The following PRDM2 variants were observed in gnomAD, a reference collection of about 807,000 sequenced individuals.
PRDM2 encodes the protein PR domain zinc finger protein 2.
PRDM2 carries 30 observed loss-of-function variants against 130.0 expected under a neutral mutation model. The observed-to-expected ratio is 0.23, with a 90% confidence interval of 0.17 to 0.31. PRDM2 has a LOEUF of 0.31. Among genes scored for constraint, PRDM2 ranks in the 10% least tolerant of loss-of-function variants. The pLI is 1.00. For missense variants in PRDM2, 2,011 were observed against 2,108.4 expected, an observed-to-expected ratio of 0.95 and a Z score of 0.90; for synonymous variants, 871 against 782.4, an observed-to-expected ratio of 1.11 and a Z score of -1.89.
chr1:13,761,869 TTC>T (rs1175281058), intron 6 of PRDM2, among the ~76,000 whole-genome samples: 2 of 152,194 alleles, frequency 1.3e-5, no homozygotes, highest in African/African-American at 4.8e-5. Context: ...AGTGACAGAA[TTC>T]TCTCTAACTT....
intron 6 of PRDM2, among the ~76,000 whole-genome samples, chr1:13,757,865 T>G (rs1344068686): frequency 6.6e-6 from 1 of 151,554 alleles, no homozygotes; most frequent in Non-Finnish European, 1.5e-5. Context: ...AGGTTTTGTT[T>G]GCTGATAAAG....
chr1:13,712,525 C>T (rs1397959308), intron 1 of PRDM2, among the ~76,000 whole-genome samples: 1 of 152,164 alleles, frequency 6.6e-6, no homozygotes, highest in Non-Finnish European at 1.5e-5. Flanking sequence ...TGCCTAAGAT[C>T]TAAAACTGCA....
At chr1:13,785,880 C>A (rs1310826859) in intron 8 of PRDM2, among the ~76,000 whole-genome samples, 9 of 149,492 alleles carry the variant, frequency 6.0e-5, no homozygotes, top group African/African-American at 2.2e-4. Flanking sequence ...GCTCCGTTGC[C>A]CAGGCTGGAG....
chr1:13,747,348 A>G (rs1448531854), intron 5 of PRDM2, among the ~76,000 whole-genome samples: 1 of 152,244 alleles, frequency 6.6e-6, no homozygotes, highest in East Asian at 1.9e-4. Flanking sequence ...GAAAGTATAC[A>G]TTTGGAATTT....
At chr1:13,816,227 G>T (rs1174299801) in intron 8 of PRDM2, among the ~76,000 whole-genome samples, 200 bp from the exon 9 acceptor site, 1 of 152,174 alleles carries the variant, frequency 6.6e-6, no homozygotes, top group Middle Eastern at 3.2e-3. Context: ...TGGTGGATGG[G>T]ACATGGAGAA....
intron 8 of PRDM2, among the ~76,000 whole-genome samples, chr1:13,804,862 T>C (rs1357627788): frequency 6.6e-6 from 1 of 151,926 alleles, no homozygotes; most frequent in Non-Finnish European, 1.5e-5. Flanking sequence ...GAGTCTTGAG[T>C]GGTCAATGCA....
At chr1:13,786,876 A>C (rs1644752329) in intron 8 of PRDM2, 1 of 1,053,100 alleles carries the variant, frequency 9.5e-7, no homozygotes, top group Non-Finnish European at 1.1e-6. Flanking sequence ...ATTTGAACTT[A>C]ACCTTGCAAA....
chr1:13,804,343 G>A (rs762655713), intron 8 of PRDM2, among the ~76,000 whole-genome samples: 1 of 151,966 alleles, frequency 6.6e-6, no homozygotes, highest in African/African-American at 2.4e-5. Context: ...TCTCCCCTTC[G>A]GCCCCCTCAT....
At chr1:13,776,897 C>T (rs1190515844) in intron 7 of PRDM2, among the ~76,000 whole-genome samples, 2 of 152,144 alleles carry the variant, frequency 1.3e-5, no homozygotes, top group African/African-American at 4.8e-5. Context: ...TCATCCAGTC[C>T]AGTGCTCTAA....
intron 3 of PRDM2, 71 bp from the exon 4 acceptor site, chr1:13,732,708 A>T: frequency 1.8e-6 from 2 of 1,111,632 alleles, no homozygotes; most frequent in Non-Finnish European, 2.6e-6. Context: ...TGTGAAACTT[A>T]AGCGATTTTA....
chr1:13,801,842 C>T (rs191804929), intron 8 of PRDM2, among the ~76,000 whole-genome samples: 1 of 152,246 alleles, frequency 6.6e-6, no homozygotes, highest in East Asian at 1.9e-4. Flanking sequence ...GCCACCTGGC[C>T]GTCATTCTGT....
At chr1:13,821,866 C>T (rs1645358055) in intron 9 of PRDM2, among the ~76,000 whole-genome samples, 1 of 152,204 alleles carries the variant, frequency 6.6e-6, no homozygotes, top group African/African-American at 2.4e-5. Flanking sequence ...CAGCCATCCC[C>T]TCCCGACTGG....
intron 1 of PRDM2, among the ~76,000 whole-genome samples, chr1:13,700,862 ATG>A (rs891928172): frequency 1.2e-4 from 18 of 152,024 alleles, no homozygotes; most frequent in East Asian, 5.8e-4. Context: ...CCACGGGTGT[ATG>A]TGTGTGTGTG....
At chr1:13,723,316 C>T (rs1642794906) in intron 2 of PRDM2, among the ~76,000 whole-genome samples, 1 of 152,182 alleles carries the variant, frequency 6.6e-6, no homozygotes. Flanking sequence ...CCCTAGTCTG[C>T]CACATTAGCT....
intron 7 of PRDM2, 93 bp from the exon 8 acceptor site, chr1:13,778,325 G>A (rs1351322242): frequency 1.6e-6 from 2 of 1,281,290 alleles, no homozygotes; most frequent in African/African-American, 1.5e-5. Flanking sequence ...GTTTTAGGTG[G>A]TAAGAGAAAT....
chr1:13,798,116 C>T (rs1557666747), intron 8 of PRDM2, among the ~76,000 whole-genome samples: 1 of 152,086 alleles, frequency 6.6e-6, no homozygotes, highest in Non-Finnish European at 1.5e-5. Flanking sequence ...GCCAACACAG[C>T]GCCCTGCATG....
intron 7 of PRDM2, among the ~76,000 whole-genome samples, chr1:13,775,225 G>A (rs1329020847): frequency 6.6e-6 from 1 of 152,238 alleles, no homozygotes; most frequent in African/African-American, 2.4e-5. Context: ...GCAGACTTCG[G>A]TTTATGTTAC....
intron 8 of PRDM2, among the ~76,000 whole-genome samples, chr1:13,794,139 C>T (rs547751465): frequency 2.0e-5 from 3 of 152,296 alleles, no homozygotes; most frequent in Non-Finnish European, 2.9e-5. Flanking sequence ...CAGCACTAGC[C>T]GGGGTTGAGG....
At chr1:13,816,608 G>C in intron 9 of PRDM2, 38 bp downstream of exon 9, 2 of 1,609,660 alleles carry the variant, frequency 1.2e-6, no homozygotes, top group Non-Finnish European at 8.5e-7. Flanking sequence ...GCACTGTTTG[G>C]GTGGGTCAAG....
Sources: gnomAD v4.1 joint callset for allele counts (sites outside exome capture counted in the v4.1 genomes callset) on GRCh38, gnomAD v4.1.1 for gene constraint, MANE v1.5 for transcripts, NCBI Gene and HGNC (gene_info 2026-07-23, HGNC 2026-07-21) for gene names.